STXBP5L: variants seen among roughly 807,000 people sequenced by gnomAD.
STXBP5L encodes syntaxin-binding protein 5-like.
Under a neutral mutation model 144.5 loss-of-function variants are expected in STXBP5L, and 65 were observed. The observed-to-expected ratio is 0.45, with a 90% CI of 0.37 to 0.55. The LOEUF is 0.55. Among genes scored for constraint, STXBP5L ranks in the 20% least tolerant of loss-of-function variants. The pLI is 0.00. For synonymous variants in STXBP5L, 505 were observed against 469.6 expected (o/e 1.08, Z -0.97); for missense variants, 1,298 against 1,405.5 (o/e 0.92, Z 1.22).
In STXBP5L at chr3:121,103,688, T is replaced by C. The variant is rs75937610; in HGVS notation, c.471-11237T>C. ...ACCACAAAATAAACATATATGAATATATAAAAAGATAAGACAGTATAGAGA... is the reference window on the plus strand; with the variant it reads ...ACCACAAAATAAACATATATGAATACATAAAAAGATAAGACAGTATAGAGA... On this transcript the variant is annotated intron_variant, in intron 5 of 26. Coordinates refer to ENST00000471454, the MANE Select transcript of STXBP5L (RefSeq NM_001308330.2). Among the ~76,000 whole-genome samples, 50 of 152,184 alleles carry C rather than the reference T, an allele frequency of 3.3e-4. 1 individual carries two copies. In the East Asian group the frequency reaches 8.3e-3, roughly 25 times the overall value.
At chr3:121,004,356 G>T (rs1460154448) in intron 3 of STXBP5L, among the ~76,000 whole-genome samples, 2 of 151,984 alleles carry the variant, frequency 1.3e-5, no homozygotes, top group African/African-American at 2.4e-5. Flanking sequence ...CTGTTTGTCT[G>T]TTATTGGTGT....
chr3:120,961,808 C>A (rs1037914053), intron 3 of STXBP5L, among the ~76,000 whole-genome samples: 1 of 152,150 alleles, frequency 6.6e-6, no homozygotes, highest in African/African-American at 2.4e-5. Context: ...ATGGCTGGGT[C>A]AAAAGGTACT....
At chr3:121,157,694 A>G in intron 9 of STXBP5L, 67 bp downstream of exon 9, 1 of 1,533,826 alleles carries the variant, frequency 6.5e-7, no homozygotes, top group African/African-American at 1.4e-5. Flanking sequence ...AGTAAGAGAG[A>G]TGGTATTAAT....
At chr3:121,395,846 A>G (rs941100613) in intron 22 of STXBP5L, among the ~76,000 whole-genome samples, 4 of 152,118 alleles carry the variant, frequency 2.6e-5, no homozygotes, top group Non-Finnish European at 2.9e-5. Flanking sequence ...GCTGTGTTCG[A>G]CAGGTGTTGC....
intron 18 of STXBP5L, among the ~76,000 whole-genome samples, chr3:121,261,886 AT>A (rs1248617340): frequency 6.6e-6 from 1 of 152,182 alleles, no homozygotes; most frequent in African/African-American, 2.4e-5. Context: ...TATCTTACAA[AT>A]TGGTAATTTG....
intron 7 of STXBP5L, among the ~76,000 whole-genome samples, chr3:121,128,295 G>A (rs2044809723): frequency 6.6e-6 from 1 of 151,966 alleles, no homozygotes; most frequent in Admixed American, 6.6e-5. Flanking sequence ...CTAAAAAAAA[G>A]CCATATAGTA....
At chr3:121,235,002 A>ATT (rs200616249) in intron 12 of STXBP5L, among the ~76,000 whole-genome samples, 5,308 of 151,180 alleles carry the variant, frequency 0.035, 143 homozygotes, top group Middle Eastern at 0.083. Flanking sequence ...ATATATATAT[A>ATT]TTTTTTTATT....
intron 20 of STXBP5L, among the ~76,000 whole-genome samples, chr3:121,366,743 G>C (rs1333794130): frequency 1.3e-5 from 2 of 152,024 alleles, no homozygotes; most frequent in Non-Finnish European, 2.9e-5. Flanking sequence ...TACATTTAAA[G>C]TAATTGCTGA....
chr3:121,053,723 C>A (rs1397159097), intron 5 of STXBP5L, among the ~76,000 whole-genome samples: 3 of 152,096 alleles, frequency 2.0e-5, no homozygotes, highest in Non-Finnish European at 2.9e-5. Flanking sequence ...ACAACAAAAG[C>A]CAAAATTGAC....
chr3:121,282,318 G>A (rs774974809), intron 19 of STXBP5L: 7 of 1,611,626 alleles, frequency 4.3e-6, no homozygotes, highest in Non-Finnish European at 5.9e-6. Flanking sequence ...TAACGAAACG[G>A]ATCCGTACTT....
intron 22 of STXBP5L, among the ~76,000 whole-genome samples, chr3:121,393,515 C>G (rs1319410696): frequency 6.6e-6 from 1 of 152,164 alleles, no homozygotes; most frequent in African/African-American, 2.4e-5. Context: ...AAGCCAATGT[C>G]CACACAAGAG....
chr3:121,418,303 A>T (rs1472645648), intron 25 of STXBP5L, 34 bp from the exon 26 acceptor site: 3 of 1,587,784 alleles, frequency 1.9e-6, no homozygotes, highest in Non-Finnish European at 2.6e-6. Flanking sequence ...ATTACTGACA[A>T]AATGTTTTAA....
chr3:121,084,099 ATTTT>A (rs201589890), intron 5 of STXBP5L, among the ~76,000 whole-genome samples: 2 of 147,430 alleles, frequency 1.4e-5, no homozygotes, highest in Non-Finnish European at 3.0e-5. Flanking sequence ...GCTCTTTACT[ATTTT>A]TTTTTACTCT....
chr3:121,092,525 T>C (rs909527354), intron 5 of STXBP5L, among the ~76,000 whole-genome samples: 1 of 152,220 alleles, frequency 6.6e-6, no homozygotes, highest in African/African-American at 2.4e-5. Context: ...TTTATTCTCT[T>C]TGAAGCAATT....
chr3:121,137,314 G>A (rs2045306421), intron 7 of STXBP5L, among the ~76,000 whole-genome samples: 1 of 151,802 alleles, frequency 6.6e-6, no homozygotes, highest in Non-Finnish European at 1.5e-5. Flanking sequence ...TAAGAAAAAA[G>A]AATGAAGACC....
intron 10 of STXBP5L, among the ~76,000 whole-genome samples, chr3:121,208,381 T>G (rs1370032856): frequency 6.6e-5 from 10 of 151,960 alleles, no homozygotes; most frequent in Non-Finnish European, 1.5e-4. Context: ...ATATCTAATG[T>G]AAATGAGGAG....
chr3:121,259,205 A>C, intron 18 of STXBP5L, 37 bp downstream of exon 18: 1 of 1,419,060 alleles, frequency 7.0e-7, no homozygotes, highest in Non-Finnish European at 9.3e-7. Context: ...TGTATTATTT[A>C]GCTAATATGT....
chr3:121,199,872 G>A (rs768079134), intron 9 of STXBP5L, among the ~76,000 whole-genome samples: 16 of 152,030 alleles, frequency 1.1e-4, no homozygotes, highest in Admixed American at 3.9e-4. Flanking sequence ...ATGTGCTGCT[G>A]GATTTGGTCT....
intron 20 of STXBP5L, among the ~76,000 whole-genome samples, chr3:121,320,096 G>T (rs983030361): frequency 2.8e-4 from 43 of 152,024 alleles, no homozygotes; most frequent in African/African-American, 9.7e-4. Context: ...GATTTCACTG[G>T]ATCTATAGAT....
Sources: gnomAD v4.1 joint callset for allele counts (sites outside exome capture counted in the v4.1 genomes callset) on GRCh38, gnomAD v4.1.1 for gene constraint, MANE v1.5 for transcripts, NCBI Gene and HGNC (gene_info 2026-07-23, HGNC 2026-07-21) for gene names.